PHKB: variants seen among roughly 807,000 people sequenced by gnomAD.
PHKB encodes phosphorylase b kinase regulatory subunit beta.
Under a neutral mutation model 152.1 loss-of-function variants are expected in PHKB, and 122 were observed. The ratio of observed to expected loss-of-function variants is 0.80; its 90% CI spans 0.69 to 0.93. PHKB has a LOEUF of 0.93. PHKB is among the 40% of genes least tolerant of loss of function. The pLI is 0.00. For missense variants in PHKB, 1,304 were observed against 1,328.4 expected, an observed-to-expected ratio of 0.98 and a Z score of 0.29; for synonymous variants, 436 against 464.9, an observed-to-expected ratio of 0.94 and a Z score of 0.80.
intron 6 of PHKB, among the ~76,000 whole-genome samples, chr16:47,516,904 G>C (rs1444291600): frequency 6.6e-6 from 1 of 152,064 alleles, no homozygotes; most frequent in African/African-American, 2.4e-5. Context: ...ATTGTGAAGT[G>C]GGATTATTCA....
At chr16:47,672,396 A>C (rs919702580) in intron 26 of PHKB, among the ~76,000 whole-genome samples, 1 of 152,190 alleles carries the variant, frequency 6.6e-6, no homozygotes, top group Non-Finnish European at 1.5e-5. Flanking sequence ...AGCTAACTCC[A>C]AATGAAAAGA....
chr16:47,500,895 T>C (rs529091497), intron 3 of PHKB, among the ~76,000 whole-genome samples: 4 of 152,366 alleles, frequency 2.6e-5, no homozygotes, highest in East Asian at 3.9e-4. Flanking sequence ...TTAAAAATTG[T>C]ATCTTCCACA....
At chr16:47,506,483 G>A (rs1970422077) in intron 4 of PHKB, among the ~76,000 whole-genome samples, 2 of 152,168 alleles carry the variant, frequency 1.3e-5, no homozygotes, top group African/African-American at 4.8e-5. Context: ...AAACTAGTAT[G>A]TCATATGTTA....
At chr16:47,575,106 G>T (rs1971728294) in intron 7 of PHKB, among the ~76,000 whole-genome samples, 1 of 152,134 alleles carries the variant, frequency 6.6e-6, no homozygotes, top group Non-Finnish European at 1.5e-5. Flanking sequence ...GTGAAAAAAT[G>T]CTCAACATCA....
At chr16:47,549,407 T>C (rs1039460263) in intron 7 of PHKB, among the ~76,000 whole-genome samples, 2 of 152,118 alleles carry the variant, frequency 1.3e-5, no homozygotes, top group Non-Finnish European at 2.9e-5. Flanking sequence ...AAAACTGCAG[T>C]AGGCCAGATG....
intron 14 of PHKB, among the ~76,000 whole-genome samples, chr16:47,612,065 T>A (rs1306251611): frequency 6.6e-6 from 1 of 152,208 alleles, no homozygotes; most frequent in African/African-American, 2.4e-5. Flanking sequence ...ATTCAGAATG[T>A]GTCGTGTCAA....
At chr16:47,482,610 A>G (rs576654976) in intron 1 of PHKB, among the ~76,000 whole-genome samples, 2 of 152,360 alleles carry the variant, frequency 1.3e-5, no homozygotes, top group South Asian at 4.1e-4. Context: ...TATTTTTCAA[A>G]ATGCTGAATG....
intron 6 of PHKB, among the ~76,000 whole-genome samples, chr16:47,524,250 T>C (rs1416801338): frequency 6.6e-6 from 1 of 152,206 alleles, no homozygotes; most frequent in Non-Finnish European, 1.5e-5. Flanking sequence ...TTTTCAGTAA[T>C]TATTGTTTAT....
At position 47,503,090 on chromosome 16, in the gene PHKB, G is replaced by A; in HGVS notation, c.405G>A (p.Lys135=). The change falls in exon 4 of 31, where the codon AAG becomes AAA. Residue 135 remains lysine (K), a splice_region_variant and synonymous_variant. Coordinates refer to ENST00000323584, the MANE Select transcript of PHKB (RefSeq NM_000293.3). ...ACTGCTATATGCGTCAGGCCGATAA[G>A]GTAAAACATTGTGGTGTGGACGGGA... ...ILYCYMRQAD[K]VQQFKQDPRP... 1.9e-6 allele frequency: 3 copies of A among 1,575,546 alleles called. No individual in the cohort carries two copies. The highest frequency in any genetic ancestry group is 2.6e-6 in the Non-Finnish European group (3 of 1,144,964).
chr16:47,555,360 T>A (rs1161968275), intron 7 of PHKB, among the ~76,000 whole-genome samples: 1 of 152,190 alleles, frequency 6.6e-6, no homozygotes, highest in East Asian at 1.9e-4. Flanking sequence ...AACAGAAGAT[T>A]GTGAATTTAG....
At chr16:47,672,033 A>G (rs373774504) in intron 26 of PHKB, among the ~76,000 whole-genome samples, 3 of 152,272 alleles carry the variant, frequency 2.0e-5, no homozygotes. Context: ...AATTGGTGTC[A>G]GTTACTTTCT....
At chr16:47,618,077 C>A (rs562624996) in intron 14 of PHKB, among the ~76,000 whole-genome samples, 61 of 152,370 alleles carry the variant, frequency 4.0e-4, no homozygotes, top group African/African-American at 1.4e-3. Flanking sequence ...CAGTGCCCCT[C>A]TGGGGCCCTT....
At chr16:47,660,415 ATTAC>A (rs1429546339) in intron 20 of PHKB, 87 bp from the exon 21 acceptor site, 2 of 970,306 alleles carry the variant, frequency 2.1e-6, no homozygotes, top group South Asian at 1.4e-5. Flanking sequence ...TTTTTGAAGT[ATTAC>A]TTAATTACAG....
chr16:47,653,032 G>C (rs1973267675), intron 20 of PHKB, among the ~76,000 whole-genome samples: 1 of 151,560 alleles, frequency 6.6e-6, no homozygotes, highest in African/African-American at 2.4e-5. Context: ...GTAGGAGAAA[G>C]ATTCTTGATG....
chr16:47,603,168 C>T (rs1972263405), intron 13 of PHKB, among the ~76,000 whole-genome samples: 1 of 152,100 alleles, frequency 6.6e-6, no homozygotes, highest in South Asian at 2.1e-4. Flanking sequence ...AAACTGAGGT[C>T]TTGATTTTCT....
chr16:47,636,708 C>T (rs927940613), intron 14 of PHKB, among the ~76,000 whole-genome samples: 1 of 152,322 alleles, frequency 6.6e-6, no homozygotes, highest in East Asian at 1.9e-4. Context: ...GGAGGGAGGC[C>T]GGTGGGGCTA....
At chr16:47,512,223 T>C (rs1970522845) in intron 5 of PHKB, among the ~76,000 whole-genome samples, 1 of 152,174 alleles carries the variant, frequency 6.6e-6, no homozygotes, top group Non-Finnish European at 1.5e-5. Flanking sequence ...TTGTTCAAAA[T>C]AGAAGTATAG....
intron 8 of PHKB, among the ~76,000 whole-genome samples, chr16:47,587,299 G>A (rs1971950888): frequency 6.6e-6 from 1 of 152,042 alleles, no homozygotes; most frequent in South Asian, 2.1e-4. Flanking sequence ...TATTTATGAG[G>A]AATGTACAAC....
At chr16:47,674,871 A>AC (rs1363728077) in intron 26 of PHKB, among the ~76,000 whole-genome samples, 3 of 151,970 alleles carry the variant, frequency 2.0e-5, no homozygotes, top group Non-Finnish European at 4.4e-5. Flanking sequence ...AAAATCTTCC[A>AC]CCTCCCCTAA....
Sources: allele counts gnomAD v4.1 joint callset (sites outside exome capture counted in the v4.1 genomes callset), GRCh38; gene constraint gnomAD v4.1.1; transcripts MANE v1.5; gene names NCBI Gene and HGNC (gene_info 2026-07-23, HGNC 2026-07-21).